Variants in LRRC7 observed in about 807,000 individuals in gnomAD.
The protein encoded by LRRC7 is leucine rich repeat containing 7, also known as leucine-rich repeat-containing protein 7.
In LRRC7, 23 loss-of-function variants were observed where a neutral mutation model predicts 175.7. The ratio of observed to expected loss-of-function variants is 0.13; its 90% confidence interval spans 0.09 to 0.19. The LOEUF (loss-of-function observed/expected upper bound fraction) is 0.19, where lower values mean the gene tolerates loss of function less well. Among genes scored for constraint, LRRC7 ranks in the 10% least tolerant of loss-of-function variants. The probability of loss-of-function intolerance (pLI) is 1.00; values close to 1 mark genes in which losing one functional copy is unlikely to be tolerated. For synonymous variants in LRRC7, 685 were observed against 680.9 expected, an observed-to-expected ratio of 1.01 and a Z score of -0.09; for missense variants, 1,354 against 1,904.7, an observed-to-expected ratio of 0.71 and a Z score of 5.38.
At chr1:69,952,477 T>A (rs879272764) in intron 8 of LRRC7, among the ~76,000 whole-genome samples, 35 of 152,084 alleles carry the variant, frequency 2.3e-4, no homozygotes, top group Non-Finnish European at 5.0e-4. Flanking sequence ...GAAAAAAAAG[T>A]CTTCCTTAAA....
intron 5 of LRRC7, among the ~76,000 whole-genome samples, chr1:69,831,538 A>G (rs1247739161): frequency 6.6e-6 from 1 of 152,042 alleles, no homozygotes; most frequent in Non-Finnish European, 1.5e-5. Context: ...TCTCATACAT[A>G]AAGTATTTGC....
intron 8 of LRRC7, among the ~76,000 whole-genome samples, chr1:69,976,214 A>C (rs1221024212): frequency 6.6e-6 from 1 of 152,200 alleles, no homozygotes; most frequent in Non-Finnish European, 1.5e-5. Flanking sequence ...TCACATGATC[A>C]TAAGGCCCCA....
rs1234274482 is a variant in LRRC7, at chr1:70,136,814, T to C, written c.*14927T>C. Among the ~76,000 whole-genome samples the C allele has an allele frequency of 6.7e-6, 1 of 149,140 alleles. No homozygotes were observed. Among genetic ancestry groups the C allele is most frequent in the Non-Finnish European group, 1.5e-5 (1 of 67,394 alleles). The stretch of plus-strand genomic sequence containing the variant: ...GCATGATCATGGCCCACTGCAGCCT[T>C]GACCACCTGGGCTCAAGTGATCCAC... On this transcript the variant is annotated 3_prime_UTR_variant, in exon 27 of 27. Coordinates refer to ENST00000651989, the MANE Select transcript of LRRC7 (RefSeq NM_001370785.2).
At chr1:69,743,793 C>T (rs1416654801) in intron 2 of LRRC7, among the ~76,000 whole-genome samples, 1 of 151,674 alleles carries the variant, frequency 6.6e-6, no homozygotes, top group African/African-American at 2.4e-5. Flanking sequence ...ACAACAGTGG[C>T]TAAGAGTCTG....
At chr1:70,097,182 C>G (rs1015146704) in intron 25 of LRRC7, among the ~76,000 whole-genome samples, 1 of 152,208 alleles carries the variant, frequency 6.6e-6, no homozygotes, top group Non-Finnish European at 1.5e-5. Flanking sequence ...TATGCACAGC[C>G]TTGGCCTAAG....
intron 16 of LRRC7, among the ~76,000 whole-genome samples, chr1:70,021,532 G>T (rs1412990559): frequency 1.3e-5 from 2 of 151,902 alleles, no homozygotes; most frequent in African/African-American, 4.8e-5. Flanking sequence ...TTTCTGGAAG[G>T]GCCAACAGAT....
intron 22 of LRRC7, among the ~76,000 whole-genome samples, chr1:70,051,562 A>T (rs946386241): frequency 6.6e-6 from 1 of 152,048 alleles, no homozygotes; most frequent in Non-Finnish European, 1.5e-5. Flanking sequence ...TTGAAGTAAC[A>T]CATACTTTAA....
In LRRC7 at chr1:69,906,609, A is replaced by G. The variant is rs1013648360; in HGVS notation, c.648-24898A>G. 2.6e-5 allele frequency among the ~76,000 whole-genome samples: 4 copies of G among 152,186 alleles called. No homozygotes were observed. In the East Asian group the frequency reaches 7.7e-4, roughly 29 times the overall value. On this transcript the variant is annotated intron_variant, in intron 7 of 26. Transcript: ENST00000651989. The stretch of plus-strand genomic sequence containing the variant: ...ATTTCTGAGGGCTCTGTTCTGTTCC[A>G]TTGATCTATATCTCTGTTTTGGTAC...
rs1336300954 is a variant in LRRC7, at chr1:70,140,616, C to G, written c.*18729C>G. 6.6e-6 allele frequency: 1 copy of G among 152,076 alleles called. No homozygotes were observed. The highest frequency in any genetic ancestry group is 1.5e-5 in the Non-Finnish European group (1 of 67,992). The allele number at this position is 152,076 out of a possible 1,614,324, so 9.4% of individuals were successfully genotyped here. ...CAAAATCCTTCTGGTGATCCTCAGG[C>G]AAGTATAATATAAAAAGTCAGGAAT... On this transcript the variant is annotated 3_prime_UTR_variant, in exon 27 of 27. Transcript: ENST00000651989.
intron 1 of LRRC7, among the ~76,000 whole-genome samples, chr1:69,651,511 C>T (rs1283643825): frequency 6.6e-6 from 1 of 152,142 alleles, no homozygotes; most frequent in Non-Finnish European, 1.5e-5. Flanking sequence ...GTTAAAAGCA[C>T]TGTGGGAGTA....
At chr1:70,010,616 C>T (rs1170891331) in intron 11 of LRRC7, among the ~76,000 whole-genome samples, 4 of 152,136 alleles carry the variant, frequency 2.6e-5, no homozygotes, top group Admixed American at 6.6e-5. Context: ...CCACCTAACT[C>T]AAATTCATTT....
At chr1:70,055,961 C>A (rs912620512) in intron 23 of LRRC7, among the ~76,000 whole-genome samples, 3 of 152,158 alleles carry the variant, frequency 2.0e-5, no homozygotes, top group African/African-American at 4.8e-5. Context: ...AAGGTTGATA[C>A]CCAAGCTTCT....
intron 1 of LRRC7, among the ~76,000 whole-genome samples, chr1:69,645,734 G>A (rs1329111140): frequency 6.6e-6 from 1 of 151,964 alleles, no homozygotes; most frequent in Admixed American, 6.6e-5. Context: ...ATCCTATAGG[G>A]CAGAGAAGCC....
At position 69,730,805 on chromosome 1, in the gene LRRC7, A is replaced by T. The variant is rs546938026; in HGVS notation, c.101-29386A>T. Among the ~76,000 whole-genome samples the T allele has an allele frequency of 3.3e-5, 5 of 152,164 alleles. No homozygotes were observed. In the South Asian group the frequency reaches 6.2e-4, roughly 19 times the overall value. On this transcript the variant is annotated intron_variant, in intron 2 of 26. Coordinates refer to ENST00000651989, the MANE Select transcript of LRRC7 (RefSeq NM_001370785.2). ...CCACTACCTGGTGCCAATTTACTGT[A>T]TTAGTCTGTTCTCATACTACTAATA...
chr1:69,983,911 C>G (rs1653681642), intron 9 of LRRC7, among the ~76,000 whole-genome samples: 2 of 152,006 alleles, frequency 1.3e-5, no homozygotes, highest in African/African-American at 4.8e-5. Flanking sequence ...TTCAGCAGAT[C>G]TGGGGTGGGT....
chr1:69,959,987 A>G (rs1240043786), intron 8 of LRRC7, among the ~76,000 whole-genome samples: 3 of 152,262 alleles, frequency 2.0e-5, no homozygotes, highest in African/African-American at 7.2e-5. Context: ...TATCAGGATA[A>G]TGCTGGCCTC....
At chr1:70,018,900 G>T in intron 15 of LRRC7, 82 bp downstream of exon 15, 1 of 996,646 alleles carries the variant, frequency 1.0e-6, no homozygotes, top group Non-Finnish European at 1.6e-6. Context: ...CTCTGGCCAG[G>T]AGTACTGGCA....
chr1:70,102,792 C>T (rs1488583797), intron 25 of LRRC7, among the ~76,000 whole-genome samples: 3 of 152,156 alleles, frequency 2.0e-5, no homozygotes, highest in African/African-American at 7.2e-5. Flanking sequence ...TTTATTAACC[C>T]ATTGTACTGA....
rs536597021 is a variant in LRRC7, at chr1:69,699,952, C to T, written c.100+21474C>T. ...TGAGGGGTCCTATGGAAGCCTTTCT[C>T]ACTAAACTGAAGTAGTAGAGGGTAG... On this transcript the variant is annotated intron_variant, in intron 2 of 26. Coordinates refer to ENST00000651989, the MANE Select transcript of LRRC7 (RefSeq NM_001370785.2). Among the ~76,000 whole-genome samples the T allele has an allele frequency of 7.2e-5, 11 of 152,314 alleles. No individual in the cohort carries two copies. In the South Asian group the frequency reaches 2.1e-3, roughly 29 times the overall value.
Sources: gnomAD v4.1 joint callset for allele counts (sites outside exome capture counted in the v4.1 genomes callset) on GRCh38, gnomAD v4.1.1 for gene constraint, MANE v1.5 for transcripts, NCBI Gene and HGNC (gene_info 2026-07-23, HGNC 2026-07-21) for gene names.